Variants in ZMYND11 observed in about 807,000 individuals in gnomAD.
The protein encoded by ZMYND11 is zinc finger MYND domain-containing protein 11.
ZMYND11 carries 9 observed loss-of-function variants against 84.9 expected under a neutral mutation model. That is an observed-to-expected ratio of 0.11 (90% confidence interval 0.06 to 0.18). The LOEUF is 0.18. Among genes scored for constraint, ZMYND11 ranks in the 10% least tolerant of loss-of-function variants. The pLI, the probability that ZMYND11 is intolerant of heterozygous loss-of-function variation, is 1.00. For missense variants in ZMYND11, 409 were observed against 761.0 expected (o/e 0.54, Z 5.44); for synonymous variants, 250 against 244.1 (o/e 1.02, Z -0.23).
At chr10:232,643 C>T (rs1421481646) in intron 4 of ZMYND11, among the ~76,000 whole-genome samples, 1 of 152,124 alleles carries the variant, frequency 6.6e-6, no homozygotes, top group Non-Finnish European at 1.5e-5. Flanking sequence ...CGGAATAGAT[C>T]CCTCATTTAT....
At chr10:236,457 C>T (rs375743683) in intron 4 of ZMYND11, among the ~76,000 whole-genome samples, 2 of 152,248 alleles carry the variant, frequency 1.3e-5, no homozygotes, top group South Asian at 2.1e-4. Context: ...TGAAATTCAC[C>T]ATTCATTATT....
intron 1 of ZMYND11, chr10:154,833 A>G (rs1248632748): frequency 2.0e-5 from 3 of 152,238 alleles, no homozygotes; most frequent in African/African-American, 7.2e-5. Flanking sequence ...AATGAAATAT[A>G]AGAAAATTTC....
At chr10:246,650 G>C in intron 10 of ZMYND11, 116 bp from the exon 11 acceptor site, 1 of 951,108 alleles carries the variant, frequency 1.1e-6, no homozygotes, top group South Asian at 1.5e-5. Context: ...CAAGCTAACA[G>C]ACGAGAACTG....
chr10:165,293 A>G (rs1052314204), intron 1 of ZMYND11, among the ~76,000 whole-genome samples: 4 of 152,006 alleles, frequency 2.6e-5, no homozygotes, highest in African/African-American at 9.7e-5. Flanking sequence ...CCTTCACTGG[A>G]CTTCTGTAAG....
At chr10:245,282 T>A (rs190022433) in intron 10 of ZMYND11, among the ~76,000 whole-genome samples, 2 of 152,350 alleles carry the variant, frequency 1.3e-5, no homozygotes, top group South Asian at 2.1e-4. Context: ...TGTTAGCATC[T>A]AATGATATAG....
Position 216,499 on chromosome 10 carries a change from A to C in ZMYND11, c.277-4696A>C, listed in dbSNP as rs1255571453. Among the ~76,000 whole-genome samples, 3 of 152,038 alleles carry C rather than the reference A, an allele frequency of 2.0e-5. No individual in the cohort carries two copies. The East Asian group carries it at 5.8e-4, about 29-fold the overall frequency. The stretch of plus-strand genomic sequence containing the variant: ...TTTTGTTAATTTTTAATTTTTATGG[A>C]TAGGTGTATATGTTTATGGGGTGTG... On this transcript the variant is annotated intron_variant, in intron 3 of 14. Transcript: ENST00000381604.
At chr10:241,510 C>G (rs1025948572) in intron 9 of ZMYND11, among the ~76,000 whole-genome samples, 5 of 151,908 alleles carry the variant, frequency 3.3e-5, no homozygotes, top group African/African-American at 9.7e-5. Flanking sequence ...ATTTTTGTTT[C>G]TCCTTTCATC....
chr10:244,853 A>C (rs1951803385), intron 10 of ZMYND11, among the ~76,000 whole-genome samples: 1 of 152,272 alleles, frequency 6.6e-6, no homozygotes, highest in Non-Finnish European at 1.5e-5. Flanking sequence ...AGGAGAATAG[A>C]AGTACATTTA....
At chr10:247,046 C>A in intron 11 of ZMYND11, 73 bp downstream of exon 11, 1 of 1,387,844 alleles carries the variant, frequency 7.2e-7, no homozygotes, top group Non-Finnish European at 1.0e-6. Context: ...GCACACTCCT[C>A]ACTGTAATGA....
chr10:251,230 T>G (rs751456555), intron 14 of ZMYND11, among the ~76,000 whole-genome samples: 58 of 152,242 alleles, frequency 3.8e-4, no homozygotes, highest in Admixed American at 9.8e-4. Flanking sequence ...GGGATGGTGG[T>G]GCTGTGTAAA....
chr10:218,611 TA>T, intron 3 of ZMYND11: 1 of 206,436 alleles, frequency 4.8e-6, no homozygotes, highest in Non-Finnish European at 1.1e-5. Flanking sequence ...ATTTGTTTGT[TA>T]AAACCATACT....
chr10:171,239 G>T (rs891405461), intron 1 of ZMYND11, among the ~76,000 whole-genome samples: 1 of 152,176 alleles, frequency 6.6e-6, no homozygotes, highest in African/African-American at 2.4e-5. Flanking sequence ...ATATCAATAT[G>T]CCTCTAGCAA....
chr10:234,978 G>A (rs960762523), intron 4 of ZMYND11, among the ~76,000 whole-genome samples: 8 of 116,686 alleles, frequency 6.9e-5, no homozygotes, highest in African/African-American at 2.4e-4. Flanking sequence ...CTAGTATTTC[G>A]CAAATGTGTG....
chr10:201,145 G>A (rs1218819567), intron 2 of ZMYND11, among the ~76,000 whole-genome samples: 2 of 151,970 alleles, frequency 1.3e-5, no homozygotes, highest in African/African-American at 4.8e-5. Context: ...AGTACACTGA[G>A]CCAGTAGGGG....
intron 3 of ZMYND11, among the ~76,000 whole-genome samples, chr10:212,553 T>A (rs184516371): frequency 6.6e-6 from 1 of 151,686 alleles, no homozygotes; most frequent in Non-Finnish European, 1.5e-5. Flanking sequence ...TCAGATCCAA[T>A]TCAAGCCTTT....
chr10:162,802 G>A (rs1228154807), intron 1 of ZMYND11, among the ~76,000 whole-genome samples: 2 of 152,126 alleles, frequency 1.3e-5, no homozygotes, highest in Non-Finnish European at 2.9e-5. Flanking sequence ...ATGTTTATTG[G>A]TATATGTATG....
upstream of ZMYND11, chr10:134,931 G>A (rs1292952496): frequency 6.7e-6 from 1 of 150,180 alleles, no homozygotes; most frequent in African/African-American, 2.4e-5. Context: ...CGGGCGGGAG[G>A]CGGCCGCGAG....
chr10:134,841 A>AT (rs1835501329), upstream of ZMYND11: 2 of 151,996 alleles, frequency 1.3e-5, no homozygotes, highest in African/African-American at 4.8e-5. Context: ...AGACAGAGGA[A>AT]TATGCTCCAA....
In ZMYND11 at chr10:254,147, CCTTCT is replaced by C. The variant is rs1306945811; in HGVS notation, c.*1678_*1682del. On this transcript the variant is annotated 3_prime_UTR_variant, in exon 15 of 15. Coordinates refer to ENST00000381604, the MANE Select transcript of ZMYND11 (RefSeq NM_001370100.5). ...AGATGTCAGAACCGAGAACACTTAA[CCTTCT>C]TTGATTGTTTTTCAAGTTTTAAGAC... The C allele has an allele frequency of 1.3e-5, 2 of 152,564 alleles. No individual in the cohort carries two copies. The highest frequency in any genetic ancestry group is 2.9e-5 in the Non-Finnish European group (2 of 68,038). The allele number at this position is 152,564 out of a possible 1,614,324, so 9.5% of individuals were successfully genotyped here. A position where few individuals can be genotyped will look rare whatever the true frequency, so the allele number is the denominator to read the frequency against.
Sources: gnomAD v4.1 joint callset for allele counts (sites outside exome capture counted in the v4.1 genomes callset) on GRCh38, gnomAD v4.1.1 for gene constraint, MANE v1.5 for transcripts, NCBI Gene and HGNC (gene_info 2026-07-23, HGNC 2026-07-21) for gene names.